The following TRPC4 variants were observed in gnomAD, a reference collection of about 807,000 sequenced individuals.
The protein encoded by TRPC4 is short transient receptor potential channel 4.
TRPC4 carries 49 observed loss-of-function variants against 99.4 expected under a neutral mutation model. The ratio of observed to expected loss-of-function variants is 0.49; its 90% confidence interval spans 0.39 to 0.63. The LOEUF is 0.63. TRPC4 is among the 20% of genes least tolerant of loss of function. TRPC4 has a pLI of 0.00. For missense variants in TRPC4, 898 were observed against 1,152.9 expected (o/e 0.78, Z 3.20); for synonymous variants, 454 against 425.9 (o/e 1.07, Z -0.81).
At chr13:37,729,437 TA>T (rs59603583) in intron 3 of TRPC4, among the ~76,000 whole-genome samples, 76,102 of 151,614 alleles carry the variant, frequency 0.5, 20,015 homozygotes, top group Non-Finnish European at 0.59. Flanking sequence ...TCTCAAAAAT[TA>T]AAAAAAATAC....
intron 1 of TRPC4, among the ~76,000 whole-genome samples, chr13:37,863,581 C>T (rs1338450178): frequency 1.3e-5 from 2 of 151,514 alleles, no homozygotes; most frequent in Non-Finnish European, 3.0e-5. Context: ...TAAAGTGTGA[C>T]CTCAGTGTGA....
At chr13:37,815,789 T>C (rs1957835868) in intron 1 of TRPC4, among the ~76,000 whole-genome samples, 1 of 151,840 alleles carries the variant, frequency 6.6e-6, no homozygotes, top group Non-Finnish European at 1.5e-5. Flanking sequence ...TACAGAACTT[T>C]CTACCCTAAA....
rs141163733 is a variant in TRPC4 at position 37,803,112 on chromosome 13, G to T, written c.-27-19752C>A. Among the ~76,000 whole-genome samples the T allele has an allele frequency of 5.7e-4, 86 of 151,960 alleles. 1 individual carries two copies. In the East Asian group the frequency reaches 0.015, roughly 27 times the overall value. Reference sequence around the variant, plus strand: ...TCTTTGTCCATTGGGAGCTTTTTCAGGTTGGCACGAGTGTTCTTTTGACAT... The same window carrying T: ...TCTTTGTCCATTGGGAGCTTTTTCATGTTGGCACGAGTGTTCTTTTGACAT... On this transcript the variant is annotated intron_variant, in intron 1 of 10. Coordinates refer to ENST00000379705, the MANE Select transcript of TRPC4 (RefSeq NM_016179.4).
chr13:37,776,900 A>C lies in TRPC4; in HGVS notation c.378+6056T>G, dbSNP rs971586612. Among the ~76,000 whole-genome samples, 25 of 151,978 alleles carry C rather than the reference A, an allele frequency of 1.6e-4. 1 individual carries two copies. On this transcript the variant is annotated intron_variant, in intron 2 of 10. Coordinates refer to ENST00000379705, the MANE Select transcript of TRPC4 (RefSeq NM_016179.4). ...CAGTAGACAGTAATATATTTACTGG[A>C]ATCCATATCGACTAAGAATCTTCTA...
intron 1 of TRPC4, among the ~76,000 whole-genome samples, chr13:37,820,589 A>G (rs187480276): frequency 6.6e-6 from 1 of 152,222 alleles, no homozygotes; most frequent in Admixed American, 6.6e-5. Context: ...TAAATCCAAA[A>G]TGATCAAGTA....
chr13:37,857,752 A>T (rs1959185658), intron 1 of TRPC4, among the ~76,000 whole-genome samples: 1 of 151,770 alleles, frequency 6.6e-6, no homozygotes, highest in African/African-American at 2.4e-5. Context: ...CTCATCATAT[A>T]CAAAAATCAA....
rs147059523 is a variant in TRPC4, at chr13:37,844,760, C to T, written c.-28+24835G>A. ...AGCAACTGCATGTAAACCAGTAACT[C>T]CACAAAACCGTGATACTCTTCTTCA... On this transcript the variant is annotated intron_variant, in intron 1 of 10. Coordinates refer to ENST00000379705, the MANE Select transcript of TRPC4 (RefSeq NM_016179.4). Among the ~76,000 whole-genome samples, 32 of 152,250 alleles carry T rather than the reference C, an allele frequency of 2.1e-4. No homozygotes were observed. The East Asian group carries it at 5.8e-3, about 28-fold the overall frequency.
chr13:37,770,654 A>G (rs925295492), intron 2 of TRPC4, among the ~76,000 whole-genome samples: 8 of 151,630 alleles, frequency 5.3e-5, no homozygotes, highest in Admixed American at 2.0e-4. Context: ...AGGATTAATG[A>G]GTTCAGATGT....
intron 1 of TRPC4, among the ~76,000 whole-genome samples, chr13:37,788,154 C>T (rs1957019125): frequency 6.6e-6 from 1 of 152,098 alleles, no homozygotes; most frequent in Non-Finnish European, 1.5e-5. Flanking sequence ...GTTCTTTCCT[C>T]ATTCTAGCTA....
chr13:37,752,714 C>A (rs1955968702), intron 2 of TRPC4, among the ~76,000 whole-genome samples: 1 of 151,850 alleles, frequency 6.6e-6, no homozygotes, highest in African/African-American at 2.4e-5. Context: ...CTTAAATTCC[C>A]CTTTTCCCTA....
chr13:37,844,496 T>C (rs1209115935), intron 1 of TRPC4, among the ~76,000 whole-genome samples: 1 of 152,092 alleles, frequency 6.6e-6, no homozygotes, highest in Non-Finnish European at 1.5e-5. Context: ...GGTTTTGCCA[T>C]GTTGGTCAGG....
Position 37,674,445 on chromosome 13 carries a change from T to C in TRPC4, c.1235-78A>G, listed in dbSNP as rs931123971. The C allele has an allele frequency of 2.9e-5, 43 of 1,482,836 alleles. No individual in the cohort carries two copies. The African/African-American group carries it at 4.9e-4, about 17-fold the overall frequency. 91.9% of individuals were successfully genotyped at this position (1,482,836 alleles called of 1,614,324 possible). ...AAAGCAATATACAATTTAACAATTA[T>C]AGATCTCGAAGCTACAAGAGACCAC... On this transcript the variant is annotated intron_variant, in intron 4 of 10. Transcript: ENST00000379705.
At chr13:37,724,508 A>G (rs929606388) in intron 3 of TRPC4, among the ~76,000 whole-genome samples, 1 of 152,158 alleles carries the variant, frequency 6.6e-6, no homozygotes, top group African/African-American at 2.4e-5. Context: ...TTACATTATC[A>G]TATTATGATG....
chr13:37,664,031 G>A (rs879886460), intron 5 of TRPC4, among the ~76,000 whole-genome samples: 7 of 152,040 alleles, frequency 4.6e-5, no homozygotes, highest in Admixed American at 1.3e-4. Context: ...AAATCGTCCC[G>A]GCAGTTGCTG....
At chr13:37,663,758 G>T in intron 5 of TRPC4, 29 bp from the exon 6 acceptor site, 1 of 1,565,848 alleles carries the variant, frequency 6.4e-7, no homozygotes, top group Non-Finnish European at 8.7e-7. Context: ...CAAAGGGAAA[G>T]TAAAACAAAC....
intron 2 of TRPC4, among the ~76,000 whole-genome samples, chr13:37,747,471 T>C (rs1000715853): frequency 1.6e-4 from 25 of 152,028 alleles, no homozygotes; most frequent in African/African-American, 5.3e-4. Flanking sequence ...GAGGCATTTA[T>C]GAAAAGTTAA....
At chr13:37,672,866 A>G (rs1952902266) in intron 5 of TRPC4, among the ~76,000 whole-genome samples, 1 of 152,210 alleles carries the variant, frequency 6.6e-6, no homozygotes, top group Non-Finnish European at 1.5e-5. Context: ...CATAAAATTG[A>G]TAGAAATTGC....
rs188826772 is a variant in TRPC4 at position 37,800,843 on chromosome 13, T to C, written c.-27-17483A>G. On this transcript the variant is annotated intron_variant, in intron 1 of 10. Transcript: ENST00000379705. ...TGATACAAATTAATATGAATTTTAT[T>C]ATAGTAAATATTTCAAGTAAAAAGT... Among the ~76,000 whole-genome samples the C allele has an allele frequency of 2.8e-3, 419 of 152,022 alleles. 8 individuals carry two copies. In the South Asian group the frequency reaches 0.041, roughly 15 times the overall value.
intron 3 of TRPC4, among the ~76,000 whole-genome samples, chr13:37,735,649 T>C: frequency 6.6e-6 from 1 of 152,112 alleles, no homozygotes; most frequent in East Asian, 1.9e-4. Flanking sequence ...TGAAAAACAA[T>C]TCATTTGAGG....
Sources: gnomAD v4.1 joint callset for allele counts (sites outside exome capture counted in the v4.1 genomes callset) on GRCh38, gnomAD v4.1.1 for gene constraint, MANE v1.5 for transcripts, NCBI Gene and HGNC (gene_info 2026-07-23, HGNC 2026-07-21) for gene names.